The following RXFP2 variants were observed in gnomAD, a reference collection of about 807,000 sequenced individuals.
The protein encoded by RXFP2 is relaxin receptor 2.
In RXFP2, 68 loss-of-function variants were observed where a neutral mutation model predicts 88.6. The observed-to-expected ratio is 0.77, with a 90% CI of 0.63 to 0.94. RXFP2 has a LOEUF of 0.94. Ranked by LOEUF, RXFP2 falls within the 40% of genes least tolerant of loss-of-function variation. The pLI is 0.00. For missense variants in RXFP2, 791 were observed against 893.9 expected (o/e 0.88, Z 1.47); for synonymous variants, 329 against 306.8 (o/e 1.07, Z -0.76).
chr13:31,760,233 C>T (rs909444074), intron 2 of RXFP2, among the ~76,000 whole-genome samples: 5 of 152,042 alleles, frequency 3.3e-5, no homozygotes, highest in East Asian at 1.9e-4. Flanking sequence ...GGATTACAGG[C>T]GCCCTCCACC....
intron 13 of RXFP2, among the ~76,000 whole-genome samples, chr13:31,786,860 C>G (rs1873569952): frequency 6.6e-6 from 1 of 152,140 alleles, no homozygotes; most frequent in Non-Finnish European, 1.5e-5. Context: ...TCAGGAATGT[C>G]CTTCTTGAAA....
intron 1 of RXFP2, among the ~76,000 whole-genome samples, chr13:31,747,551 T>G (rs182809977): frequency 1.6e-4 from 24 of 152,306 alleles, no homozygotes; most frequent in African/African-American, 4.6e-4. Context: ...ATATGGAGCT[T>G]TAGGTCTTTG....
chr13:31,767,111 T>C (rs570575139), intron 5 of RXFP2, among the ~76,000 whole-genome samples: 2 of 152,368 alleles, frequency 1.3e-5, no homozygotes, highest in Admixed American at 1.3e-4. Context: ...TCTGAATCTT[T>C]GCTGATACTG....
chr13:31,756,176 C>T (rs941351232), intron 1 of RXFP2, among the ~76,000 whole-genome samples: 11 of 152,238 alleles, frequency 7.2e-5, no homozygotes, highest in African/African-American at 2.7e-4. Flanking sequence ...ATGAGAGCAG[C>T]AGGTTCTACC....
intron 1 of RXFP2, among the ~76,000 whole-genome samples, chr13:31,755,378 G>A (rs1283558617): frequency 6.6e-6 from 1 of 152,086 alleles, no homozygotes; most frequent in Non-Finnish European, 1.5e-5. Flanking sequence ...TCATTATGTG[G>A]ATGTGGGTGT....
intron 10 of RXFP2, 52 bp downstream of exon 10, chr13:31,781,794 A>G: frequency 1.4e-6 from 2 of 1,446,724 alleles, no homozygotes; most frequent in Non-Finnish European, 1.9e-6. Flanking sequence ...TATATTTGGA[A>G]GTTAAAAAGA....
chr13:31,746,051 G>T (rs533353678), intron 1 of RXFP2, among the ~76,000 whole-genome samples: 1 of 152,266 alleles, frequency 6.6e-6, no homozygotes, highest in African/African-American at 2.4e-5. Context: ...TAACTTCTCC[G>T]CTTCATCCAC....
chr13:31,777,594 G>A, intron 8 of RXFP2, 147 bp downstream of exon 8: 1 of 653,076 alleles, frequency 1.5e-6, no homozygotes, highest in South Asian at 1.8e-5. Context: ...CACAGTTACT[G>A]TTAATATAAT....
intron 11 of RXFP2, among the ~76,000 whole-genome samples, chr13:31,783,425 G>A (rs1412886537): frequency 6.6e-6 from 1 of 152,190 alleles, no homozygotes; most frequent in East Asian, 1.9e-4. Flanking sequence ...TCATCTTTCT[G>A]ATTGAGGCCT....
chr13:31,792,725 G>C lies in RXFP2; in HGVS notation c.1423G>C (p.Asp475His). The change falls in exon 16 of 18, where the codon GAT becomes CAT. Residue 475 changes from aspartate to histidine, a missense_variant. Physicochemically the swap from Asp to His is moderately conservative, Grantham distance 81. Transcript: ENST00000298386. ...TTACTTGTTCTTTGTTGGCATTTTC[G>C]ATATAAAATACCGAGGGCAGTATCA... ...GVYLFFVGIF[D>H]IKYRGQYQKY... 1 of 1,614,048 alleles carries C rather than the reference G, an allele frequency of 6.2e-7. No homozygotes were observed. Among genetic ancestry groups the C allele is most frequent in the Non-Finnish European group, 8.5e-7 (1 of 1,179,980 alleles).
intron 16 of RXFP2, among the ~76,000 whole-genome samples, chr13:31,794,368 CCA>C (rs56077729): frequency 0.016 from 2,374 of 145,818 alleles, 31 homozygotes; most frequent in African/African-American, 0.029. Flanking sequence ...GAAACACACA[CCA>C]CACACACACA....
chr13:31,802,696 A>G lies in RXFP2; in HGVS notation c.*291A>G, dbSNP rs1566241572. 2.4e-6 allele frequency: 1 copy of G among 420,420 alleles called. No homozygotes were observed. The highest frequency in any genetic ancestry group is 4.4e-6 in the Non-Finnish European group (1 of 225,378). 26.0% of individuals were successfully genotyped at this position (420,420 alleles called of 1,614,324 possible). A position where few individuals can be genotyped will look rare whatever the true frequency, so the allele number is the denominator to read the frequency against. ...GATCTCTAGCTAATCAACACAACCC[A>G]CCAACAAATGACCACAGGTTGGCAC... On this transcript the variant is annotated 3_prime_UTR_variant, in exon 18 of 18. Coordinates refer to ENST00000298386, the MANE Select transcript of RXFP2 (RefSeq NM_130806.5).
At chr13:31,744,556 T>C (rs1326654288) in intron 1 of RXFP2, among the ~76,000 whole-genome samples, 4 of 152,238 alleles carry the variant, frequency 2.6e-5, no homozygotes, top group Non-Finnish European at 5.9e-5. Flanking sequence ...GATCACCAAC[T>C]GTTCTGTGCC....
intron 13 of RXFP2, among the ~76,000 whole-genome samples, chr13:31,787,420 G>A (rs1873593279): frequency 6.6e-6 from 1 of 152,134 alleles, no homozygotes; most frequent in Non-Finnish European, 1.5e-5. Flanking sequence ...TTCTTAAGAA[G>A]CCATAATATT....
intron 1 of RXFP2, among the ~76,000 whole-genome samples, chr13:31,742,062 A>G (rs1007666657): frequency 2.0e-5 from 3 of 152,114 alleles, no homozygotes; most frequent in Admixed American, 1.3e-4. Context: ...CATCTCTAAA[A>G]TAAAGTTATT....
rs776535132 is a variant in RXFP2, at chr13:31,796,038, C to CTTTTTTTTT, written c.1787-1142_1787-1134dup. 1.1e-4 allele frequency among the ~76,000 whole-genome samples: 4 copies of CTTTTTTTTT among 36,980 alleles called. 1 individual carries two copies. The highest frequency in any genetic ancestry group is 2.4e-4 in the African/African-American group (2 of 8,214). 24.3% of individuals were successfully genotyped at this position (36,980 alleles called of 152,430 possible). ...ATACATTTTTGTTCTATGTGTTATT[C>CTTTTTTTTT]TTTTTTTTTTTTTTTTTTTTTTTTT... On this transcript the variant is annotated intron_variant, in intron 16 of 17. Transcript: ENST00000298386.
At chr13:31,766,084 TG>T in intron 5 of RXFP2, 57 bp downstream of exon 5, 1 of 862,986 alleles carries the variant, frequency 1.2e-6, no homozygotes, top group Non-Finnish European at 2.0e-6. Flanking sequence ...TGGTGTAAGA[TG>T]TTTTTGATCT....
intron 10 of RXFP2, among the ~76,000 whole-genome samples, chr13:31,781,943 A>C (rs1873303007): frequency 6.6e-6 from 1 of 152,094 alleles, no homozygotes; most frequent in African/African-American, 2.4e-5. Flanking sequence ...CCCTTTAGGG[A>C]CATCATGTGC....
chr13:31,741,761 G>A (rs186421622), intron 1 of RXFP2, among the ~76,000 whole-genome samples: 2 of 152,200 alleles, frequency 1.3e-5, no homozygotes, highest in Admixed American at 6.5e-5. Flanking sequence ...TTTATTCACT[G>A]TGTATCTCTG....
Sources: gnomAD v4.1 joint callset for allele counts (sites outside exome capture counted in the v4.1 genomes callset) on GRCh38, gnomAD v4.1.1 for gene constraint, MANE v1.5 for transcripts, NCBI Gene and HGNC (gene_info 2026-07-23, HGNC 2026-07-21) for gene names.